The following RARB variants were observed in gnomAD, a reference collection of about 807,000 sequenced individuals.
The protein encoded by RARB is retinoic acid receptor beta, also known as HBV-activated protein.
RARB carries 17 observed loss-of-function variants against 51.9 expected under a neutral mutation model. The observed-to-expected ratio is 0.33, with a 90% CI of 0.22 to 0.49. RARB has a LOEUF of 0.49. Among genes scored for constraint, RARB ranks in the 20% least tolerant of loss-of-function variants. The pLI is 0.99. For missense variants in RARB, 369 were observed against 550.8 expected, an observed-to-expected ratio of 0.67 and a Z score of 3.30; for synonymous variants, 215 against 195.4, an observed-to-expected ratio of 1.10 and a Z score of -0.84.
chr3:25,373,557 T>C (rs952169391), intron 5 of RARB, among the ~76,000 whole-genome samples: 3 of 152,188 alleles, frequency 2.0e-5, no homozygotes, highest in South Asian at 2.1e-4. Flanking sequence ...TTTCTTCTCC[T>C]CTAATCATTT....
chr3:24,876,461 T>C (rs894090532), intron 2 of RARB, among the ~76,000 whole-genome samples: 3 of 152,136 alleles, frequency 2.0e-5, no homozygotes, highest in Non-Finnish European at 4.4e-5. Flanking sequence ...AAATAAGTTA[T>C]AATAATGGCT....
chr3:24,957,515 G>A (rs1480035698), intron 2 of RARB, among the ~76,000 whole-genome samples: 69 of 152,188 alleles, frequency 4.5e-4, no homozygotes, highest in Non-Finnish European at 7.3e-5. Flanking sequence ...AAGATCCAGT[G>A]TACACAACCA....
intron 5 of RARB, among the ~76,000 whole-genome samples, chr3:25,404,269 T>C (rs6768560): frequency 6.6e-6 from 1 of 151,920 alleles, no homozygotes; most frequent in Admixed American, 6.6e-5. Flanking sequence ...CCTTCCACAT[T>C]TCAAGGTGTT....
chr3:24,875,666 G>A (rs150776067), intron 2 of RARB, among the ~76,000 whole-genome samples: 1 of 152,120 alleles, frequency 6.6e-6, no homozygotes, highest in Non-Finnish European at 1.5e-5. Context: ...GAGTTCCCAT[G>A]TATCTTTACC....
intron 3 of RARB, among the ~76,000 whole-genome samples, chr3:25,101,300 A>G (rs1699395665): frequency 6.6e-6 from 1 of 152,192 alleles, no homozygotes; most frequent in Non-Finnish European, 1.5e-5. Context: ...TAAGAAGAGC[A>G]AAACATGCAC....
chr3:25,395,713 T>C (rs757792068), intron 5 of RARB, among the ~76,000 whole-genome samples: 1 of 152,184 alleles, frequency 6.6e-6, no homozygotes, highest in Non-Finnish European at 1.5e-5. Context: ...CAGTATATTT[T>C]GGATTTCTCT....
intron 3 of RARB, among the ~76,000 whole-genome samples, chr3:25,089,486 C>G (rs1481740684): frequency 6.4e-5 from 2 of 31,092 alleles, no homozygotes; most frequent in Non-Finnish European, 1.1e-4. Flanking sequence ...TCAATCATCC[C>G]AAAAAAAAGT....
At chr3:25,200,941 A>G (rs1344831058) in intron 5 of RARB, among the ~76,000 whole-genome samples, 2 of 152,156 alleles carry the variant, frequency 1.3e-5, no homozygotes, top group Non-Finnish European at 2.9e-5. Context: ...TTTTGGTTCC[A>G]TATGAAGTGT....
intron 5 of RARB, among the ~76,000 whole-genome samples, chr3:25,220,596 T>C (rs1179559260): frequency 1.3e-5 from 2 of 152,188 alleles, no homozygotes; most frequent in African/African-American, 4.8e-5. Context: ...TTACGAGATC[T>C]GATGATTTTA....
intron 3 of RARB, among the ~76,000 whole-genome samples, chr3:25,509,179 C>G (rs1340986399): frequency 6.6e-6 from 1 of 152,196 alleles, no homozygotes; most frequent in Non-Finnish European, 1.5e-5. Context: ...TCGCCTCTAG[C>G]TATCTCAACT....
At chr3:25,254,484 A>G (rs1247886656) in intron 5 of RARB, among the ~76,000 whole-genome samples, 1 of 152,226 alleles carries the variant, frequency 6.6e-6, no homozygotes, top group Non-Finnish European at 1.5e-5. Context: ...TGAAAAATGC[A>G]TCAAGAATAA....
intron 3 of RARB, among the ~76,000 whole-genome samples, chr3:25,554,764 G>A (rs1699989743): frequency 6.6e-6 from 1 of 152,102 alleles, no homozygotes; most frequent in African/African-American, 2.4e-5. Flanking sequence ...TACTTTGAGG[G>A]CTGAGAAGTC....
chr3:25,400,855 G>A (rs1575373693), intron 5 of RARB, among the ~76,000 whole-genome samples: 1 of 151,622 alleles, frequency 6.6e-6, no homozygotes, highest in Non-Finnish European at 1.5e-5. Flanking sequence ...AACTAGAAAA[G>A]CCAGACAATA....
At chr3:24,971,113 G>T (rs1383388556) in intron 2 of RARB, among the ~76,000 whole-genome samples, 1 of 151,858 alleles carries the variant, frequency 6.6e-6, no homozygotes, top group Non-Finnish European at 1.5e-5. Flanking sequence ...ATCCTAACAG[G>T]TGAGATCATA....
intron 3 of RARB, among the ~76,000 whole-genome samples, chr3:25,523,826 A>G (rs1698515191): frequency 6.6e-6 from 1 of 152,258 alleles, no homozygotes; most frequent in African/African-American, 2.4e-5. Flanking sequence ...AGCAATTTTT[A>G]CAAACTTTTT....
In RARB at chr3:25,009,290, T is replaced by G. The variant is rs4131225; in HGVS notation, c.-379-50835T>G. Reference sequence around the variant, plus strand: ...GATACATAGGTACTTCGTTCTATAATTTTGTGACTTAGTTAATGAAGCAGT... The same window carrying G: ...GATACATAGGTACTTCGTTCTATAAGTTTGTGACTTAGTTAATGAAGCAGT... On this transcript the variant is annotated intron_variant, in intron 2 of 11. Transcript: ENST00000383772. Among the ~76,000 whole-genome samples the G allele has an allele frequency of 2.9e-3, 447 of 152,276 alleles. 2 individuals are homozygous for G. The highest frequency in any genetic ancestry group is 8.8e-3 in the African/African-American group (367 of 41,578).
At chr3:25,118,900 A>G (rs999602152) in intron 3 of RARB, among the ~76,000 whole-genome samples, 1 of 152,158 alleles carries the variant, frequency 6.6e-6, no homozygotes, top group Non-Finnish European at 1.5e-5. Context: ...ACTTTAAAGC[A>G]TCTATAACCA....
At chr3:25,333,742 C>T (rs955150071) in intron 5 of RARB, among the ~76,000 whole-genome samples, 3 of 152,144 alleles carry the variant, frequency 2.0e-5, no homozygotes, top group African/African-American at 7.2e-5. Context: ...GAACAGGCAA[C>T]CTACAGAATG....
intron 2 of RARB, among the ~76,000 whole-genome samples, chr3:24,995,112 A>G (rs2125437653): frequency 6.6e-6 from 1 of 152,120 alleles, no homozygotes; most frequent in South Asian, 2.1e-4. Context: ...TGATTCTTCC[A>G]ATTCATGAAC....
Sources: allele counts gnomAD v4.1 joint callset (sites outside exome capture counted in the v4.1 genomes callset), GRCh38; gene constraint gnomAD v4.1.1; transcripts MANE v1.5; gene names NCBI Gene and HGNC (gene_info 2026-07-23, HGNC 2026-07-21).